MYO18A: variants seen among roughly 807,000 people sequenced by gnomAD.
MYO18A encodes the protein myosin XVIIIA.
Under a neutral mutation model 235.8 loss-of-function variants are expected in MYO18A, and 78 were observed. The observed-to-expected ratio is 0.33, with a 90% CI of 0.28 to 0.40. The LOEUF (loss-of-function observed/expected upper bound fraction) is 0.40, where lower values mean the gene tolerates loss of function less well. MYO18A is among the 10% of genes least tolerant of loss of function. The pLI, the probability that MYO18A is intolerant of heterozygous loss-of-function variation, is 1.00. For synonymous variants in MYO18A, 977 were observed against 1,077.8 expected, an observed-to-expected ratio of 0.91 and a Z score of 1.83; for missense variants, 2,215 against 2,699.3, an observed-to-expected ratio of 0.82 and a Z score of 3.98.
intron 20 of MYO18A, among the ~76,000 whole-genome samples, chr17:29,105,293 T>C (rs2152806533): frequency 6.8e-6 from 1 of 147,464 alleles, no homozygotes; most frequent in African/African-American, 2.5e-5. Context: ...CCATGGGCAG[T>C]GAGGGCAGCA....
intron 8 of MYO18A, among the ~76,000 whole-genome samples, chr17:29,119,106 C>A (rs1243650590): frequency 6.6e-6 from 1 of 152,160 alleles, no homozygotes; most frequent in Non-Finnish European, 1.5e-5. Context: ...CCAATACAGC[C>A]AGGCCCCAGT....
Position 29,106,451 on chromosome 17 carries a change from C to T in MYO18A, c.3441+629G>A, listed in dbSNP as rs1470313497. The stretch of plus-strand genomic sequence containing the variant: ...CATCCTCTCCATTTAGGGAAGCCAT[C>T]CTAAGGTCTGAGGTGCTTTCAGAAT... On this transcript the variant is annotated intron_variant, in intron 20 of 41. Coordinates refer to ENST00000527372, the MANE Select transcript of MYO18A (RefSeq NM_078471.4). The surrounding 1 kb of genome is among the most constrained non-coding windows in gnomAD (Gnocchi z 4.6). 3.3e-5 allele frequency among the ~76,000 whole-genome samples: 5 copies of T among 152,170 alleles called. No homozygotes were observed. Among genetic ancestry groups the T allele is most frequent in the Admixed American group, 3.3e-4 (5 of 15,282 alleles).
At position 29,120,966 on chromosome 17, in the gene MYO18A, A is replaced by T; in HGVS notation, c.1585+32T>A. On this transcript the variant is annotated intron_variant, in intron 6 of 41. Coordinates refer to ENST00000527372, the MANE Select transcript of MYO18A (RefSeq NM_078471.4). The surrounding 1 kb of genome is among the most constrained non-coding windows in gnomAD (Gnocchi z 4.2). ...CTCCTCACTCCCCTCCCCTCACCCC[A>T]CTTTCAGTTTTCTCCCTTGTCCCTG... The T allele has an allele frequency of 6.3e-7, 1 of 1,592,234 alleles. No homozygotes were observed. Among genetic ancestry groups the T allele is most frequent in the Admixed American group, 1.8e-5 (1 of 56,952 alleles).
At chr17:29,144,658 C>T (rs1040071674) in intron 2 of MYO18A, among the ~76,000 whole-genome samples, 1 of 152,216 alleles carries the variant, frequency 6.6e-6, no homozygotes, top group South Asian at 2.1e-4. Context: ...TGTAAAGCAA[C>T]TGATGTGCGG....
At position 29,121,700 on chromosome 17, in the gene MYO18A, A is replaced by G. The variant is rs1445255884; in HGVS notation, c.1218T>C (p.Arg406=). The change falls in exon 5 of 42, where the codon CGT becomes CGC. Residue 406 remains arginine, a synonymous_variant. Coordinates refer to ENST00000527372, the MANE Select transcript of MYO18A (RefSeq NM_078471.4). This position sits in a 1 kb window ranked among gnomAD's most constrained non-coding sequence, Gnocchi z 4.2. ...VEKANAPSCD[R]LEDLASLVYL... ...ACACCAGTGAGGCCAGATCCTCCAG[A>G]CGGTCGCAGGAGGGAGCATTAGCCT... 1 of 1,565,642 alleles carries G rather than the reference A, an allele frequency of 6.4e-7. No individual in the cohort carries two copies. Among genetic ancestry groups the G allele is most frequent in the Non-Finnish European group, 8.7e-7 (1 of 1,155,170 alleles).
intron 2 of MYO18A, among the ~76,000 whole-genome samples, chr17:29,130,352 T>C (rs1383106737): frequency 1.4e-5 from 2 of 143,466 alleles, no homozygotes; most frequent in South Asian, 2.2e-4. Flanking sequence ...ATGATGATGA[T>C]AGTAATTGGT....
intron 33 of MYO18A, 51 bp downstream of exon 33, chr17:29,092,804 G>T: frequency 1.3e-6 from 2 of 1,595,222 alleles, no homozygotes; most frequent in Non-Finnish European, 1.7e-6. Context: ...AAAGAGAATG[G>T]AAAGGTAAGC....
intron 1 of MYO18A, among the ~76,000 whole-genome samples, chr17:29,170,352 C>T (rs1336774139): frequency 6.6e-6 from 1 of 152,226 alleles, no homozygotes; most frequent in Non-Finnish European, 1.5e-5. Context: ...CTGGTTCTCT[C>T]CTGAGTCTAG....
At position 29,140,497 on chromosome 17, in the gene MYO18A, G is replaced by A. The variant is rs2067713192; in HGVS notation, c.1000-18244C>T. ...CCCGAGCTGCCCAGCCCTAGTTGGA[G>A]CCAGCAGCCCGGAGGACTTCGGGTA... On this transcript the variant is annotated intron_variant, in intron 2 of 41. Transcript: ENST00000527372. The surrounding 1 kb of genome is among the most constrained non-coding windows in gnomAD (Gnocchi z 4.2). 3 of 1,083,946 alleles carry A rather than the reference G, an allele frequency of 2.8e-6. No homozygotes were observed. The highest frequency in any genetic ancestry group is 3.5e-6 in the Non-Finnish European group (3 of 851,590). The allele number at this position is 1,083,946 out of a possible 1,614,324, so 67.1% of individuals were successfully genotyped here. A position where few individuals can be genotyped will look rare whatever the true frequency, so the allele number is the denominator to read the frequency against.
intron 41 of MYO18A, chr17:29,080,201 C>T (rs1220490632): frequency 1.0e-6 from 1 of 985,928 alleles, no homozygotes; most frequent in Non-Finnish European, 1.2e-6. Context: ...TCATCCTCCT[C>T]GGAGTCGGGC....
At chr17:29,097,138 C>T (rs974360052) in intron 27 of MYO18A, 85 bp downstream of exon 27, 1 of 1,555,614 alleles carries the variant, frequency 6.4e-7, no homozygotes, top group Non-Finnish European at 8.7e-7. Flanking sequence ...GGCCTGCCTG[C>T]CCCCAGAGTT....
intron 2 of MYO18A, among the ~76,000 whole-genome samples, chr17:29,148,561 G>A (rs1386316713): frequency 6.7e-6 from 1 of 150,024 alleles, no homozygotes; most frequent in Non-Finnish European, 1.5e-5. Flanking sequence ...CCTTTCTTGG[G>A]AGGAATTATC....
chr17:29,157,629 G>A (rs993303866), intron 2 of MYO18A, among the ~76,000 whole-genome samples: 1 of 152,118 alleles, frequency 6.6e-6, no homozygotes, highest in Middle Eastern at 3.2e-3. Context: ...AAAACAGATT[G>A]TTATGATCCT....
At chr17:29,086,363 C>T in intron 39 of MYO18A, 75 bp downstream of exon 39, 1 of 1,519,266 alleles carries the variant, frequency 6.6e-7, no homozygotes, top group Non-Finnish European at 8.9e-7. Context: ...AACTGTTCTA[C>T]CTGGTCGTCT....
chr17:29,174,750 T>C (rs1157678047), intron 1 of MYO18A, among the ~76,000 whole-genome samples: 1 of 151,732 alleles, frequency 6.6e-6, no homozygotes, highest in Non-Finnish European at 1.5e-5. Flanking sequence ...AAGCGGAGGT[T>C]GCAGTGAGCC....
rs1248389493 is a variant in MYO18A, at chr17:29,110,433, C to T, written c.3087+3G>A. On this transcript the variant is annotated splice_donor_region_variant and intron_variant, in intron 18 of 41. Coordinates refer to ENST00000527372, the MANE Select transcript of MYO18A (RefSeq NM_078471.4). The stretch of plus-strand genomic sequence containing the variant: ...TGCCTGCTGGGACCCGGCTGGCACT[C>T]ACCACCTGTAGCTTCATCTGGATGC... 3.2e-6 allele frequency: 5 copies of T among 1,580,014 alleles called. No individual in the cohort carries two copies. In the Admixed American group the frequency reaches 7.3e-5, roughly 23 times the overall value.
At chr17:29,176,990 G>A (rs2068548522) in intron 1 of MYO18A, among the ~76,000 whole-genome samples, 1 of 152,188 alleles carries the variant, frequency 6.6e-6, no homozygotes, top group Non-Finnish European at 1.5e-5. Flanking sequence ...GAGCTCCTGC[G>A]GCCTCGCCAG....
At chr17:29,127,764 G>T in intron 2 of MYO18A, 1 of 766,128 alleles carries the variant, frequency 1.3e-6, no homozygotes, top group Non-Finnish European at 1.6e-6. Context: ...GGTTCGCTGA[G>T]GTCGCTTGGG....
chr17:29,116,613 G>GCACACACACACACA lies in MYO18A; in HGVS notation c.2039-159_2039-158insTGTGTGTGTGTGTG, dbSNP rs144361514. 3.2e-3 allele frequency among the ~76,000 whole-genome samples: 469 copies of GCACACACACACACA among 144,802 alleles called. 4 individuals are homozygous for GCACACACACACACA. The highest frequency in any genetic ancestry group is 8.7e-3 in the African/African-American group (331 of 38,008). 95.0% of individuals were successfully genotyped at this position (144,802 alleles called of 152,430 possible). ...AACCACAGTCAGACTTGGGACAAAC[G>GCACACACACACACA]CACACACACACAGTCTCCAGGGAGT... is the stretch of plus-strand genomic sequence containing the variant. On this transcript the variant is annotated intron_variant, in intron 10 of 41. Coordinates refer to ENST00000527372, the MANE Select transcript of MYO18A (RefSeq NM_078471.4).
Sources: allele counts gnomAD v4.1 joint callset (sites outside exome capture counted in the v4.1 genomes callset), GRCh38; gene constraint gnomAD v4.1.1; non-coding constraint Gnocchi (gnomAD v3.1); transcripts MANE v1.5; gene names NCBI Gene and HGNC (gene_info 2026-07-23, HGNC 2026-07-21).